The following CD8B variants were observed in gnomAD, a reference collection of about 807,000 sequenced individuals.
CD8B encodes the protein CD8 subunit beta, also known as T-cell surface glycoprotein CD8 beta chain.
In CD8B, 6 loss-of-function variants were observed where a neutral mutation model predicts 24.2. That is an observed-to-expected ratio of 0.25 (90% CI 0.14 to 0.49). CD8B has a LOEUF of 0.49. Ranked by LOEUF, CD8B falls within the 20% of genes least tolerant of loss-of-function variation. The pLI is 0.98. For synonymous variants in CD8B, 84 were observed against 108.3 expected (o/e 0.78, Z 1.39); for missense variants, 196 against 271.3 (o/e 0.72, Z 1.95).
chr2:86,821,676 G>A (rs1213167737), intron 5 of CD8B: 3 of 412,044 alleles, frequency 7.3e-6, no homozygotes, highest in African/African-American at 4.1e-5. Flanking sequence ...AACCCAGTGT[G>A]GACCCCCAAA....
intron 3 of CD8B, among the ~76,000 whole-genome samples, chr2:86,847,070 G>T (rs1675726566): frequency 6.6e-6 from 1 of 151,402 alleles, no homozygotes; most frequent in Non-Finnish European, 1.5e-5. Context: ...CCGAGTAGCT[G>T]GGACTACAGG....
chr2:86,833,027 C>T, intron 5 of CD8B: 1 of 402,540 alleles, frequency 2.5e-6, no homozygotes, highest in South Asian at 1.8e-5. Flanking sequence ...CTTTCCCCTC[C>T]ACCCTTCCTC....
Position 86,839,926 on chromosome 2 carries a change from A to T in CD8B, c.*2381T>A, listed in dbSNP as rs1390842957. Among the ~76,000 whole-genome samples the T allele has an allele frequency of 2.0e-5, 3 of 152,194 alleles. No individual in the cohort carries two copies. The highest frequency in any genetic ancestry group is 4.4e-5 in the Non-Finnish European group (3 of 68,034). On this transcript the variant is annotated 3_prime_UTR_variant, in exon 6 of 6. Coordinates refer to ENST00000390655, the MANE Select transcript of CD8B (RefSeq NM_004931.5). Reference sequence around the variant, plus strand: ...CACGAACCCTAGAGGAGTCTGGTCCAGCTGACCCCAATTCTTTCACCCCTC... The same window carrying T: ...CACGAACCCTAGAGGAGTCTGGTCCTGCTGACCCCAATTCTTTCACCCCTC...
Position 86,857,868 on chromosome 2 carries a change from GCTAA to G in CD8B, c.403+185_403+188del, listed in dbSNP as rs539491093. On this transcript the variant is annotated intron_variant, in intron 2 of 5. Transcript: ENST00000390655. ...CAGGGTGGTTGGCAGCATTAAGCAAGCTAACTATGTAAACACTTGGAGGGGCTTG... is the reference window on the plus strand; with the variant it reads ...CAGGGTGGTTGGCAGCATTAAGCAAGCTATGTAAACACTTGGAGGGGCTTG... Among the ~76,000 whole-genome samples the G allele has an allele frequency of 3.5e-3, 529 of 152,318 alleles. 3 individuals are homozygous for G. The highest frequency in any genetic ancestry group is 0.012 in the African/African-American group (501 of 41,568).
At chr2:86,835,064 T>TC (rs1465446330), downstream of CD8B, among the ~76,000 whole-genome samples, 1 of 151,544 alleles carries the variant, frequency 6.6e-6, no homozygotes, top group Non-Finnish European at 1.5e-5. Context: ...ACAGTATTAC[T>TC]CCCTCTCCCA....
chr2:86,854,870 C>T (rs1429233981), intron 2 of CD8B, among the ~76,000 whole-genome samples: 1 of 151,996 alleles, frequency 6.6e-6, no homozygotes, highest in Non-Finnish European at 1.5e-5. Flanking sequence ...CCTGTAATCC[C>T]AGCACTTTGG....
Position 86,831,445 on chromosome 2 carries a change from T to C in CD8B, c.620+13477A>G, listed in dbSNP as rs146810163. Reference sequence around the variant, plus strand: ...CACATGTTCAAATGGAGTCTATTCATGCATCACTTCAGTGATTGAAATCAG... The same window carrying C: ...CACATGTTCAAATGGAGTCTATTCACGCATCACTTCAGTGATTGAAATCAG... On this transcript the variant is annotated intron_variant, in intron 5 of 5. Coordinates refer to the CD8B transcript ENST00000331469. Among the ~76,000 whole-genome samples the C allele has an allele frequency of 1.5e-3, 228 of 152,382 alleles. 6 individuals are homozygous for C. The East Asian group carries it at 0.038, about 25-fold the overall frequency.
chr2:86,815,569 G>A (rs1674200384), exon 6 of CD8B: 3 of 1,205,842 alleles, frequency 2.5e-6, no homozygotes, highest in African/African-American at 3.0e-5. Flanking sequence ...TCTGGTAAAA[G>A]TAGTAAAGAT....
chr2:86,861,856 G>T lies in CD8B; in HGVS notation c.10C>A (p.Arg4=), dbSNP rs750345715. 4.8e-5 allele frequency: 61 copies of T among 1,283,232 alleles called. 1 individual carries two copies. The South Asian group carries it at 1.1e-3, about 22-fold the overall frequency. 79.5% of individuals were successfully genotyped at this position (1,283,232 alleles called of 1,614,324 possible). A position where few individuals can be genotyped will look rare whatever the true frequency, so the allele number is the denominator to read the frequency against. MRP[R]LWLLLAAQLT... is the part of the protein sequence containing the mutation. Reference sequence around the variant, plus strand: ...TGCGCGGCCAAGAGGAGCCACAGCCGCGGCCGCATCGTGGCGCGCCCGGGA... The same window carrying T: ...TGCGCGGCCAAGAGGAGCCACAGCCTCGGCCGCATCGTGGCGCGCCCGGGA... The change falls in exon 1 of 6, where the codon CGG becomes AGG. Residue 4 remains arginine (R), a synonymous_variant. Coordinates refer to ENST00000390655, the MANE Select transcript of CD8B (RefSeq NM_004931.5).
intron 2 of CD8B, among the ~76,000 whole-genome samples, chr2:86,854,849 G>T (rs1329932380): frequency 6.6e-6 from 1 of 151,934 alleles, no homozygotes; most frequent in Non-Finnish European, 1.5e-5. Context: ...GGCTGGGCGC[G>T]GTGACTCACG....
chr2:86,851,394 C>G (rs369131175), intron 3 of CD8B, among the ~76,000 whole-genome samples: 6 of 152,278 alleles, frequency 3.9e-5, no homozygotes, highest in Non-Finnish European at 2.9e-5. Context: ...GCGCCCTCAT[C>G]TTAGTGGCTC....
At chr2:86,815,556 G>T (rs765213884), downstream of CD8B, 24 of 1,098,630 alleles carry the variant, frequency 2.2e-5, no homozygotes, top group Non-Finnish European at 3.4e-5. Context: ...AGCGAGGGAG[G>T]AATCTGGTAA....
chr2:86,847,056 C>G (rs1160544310), intron 3 of CD8B, among the ~76,000 whole-genome samples: 1 of 149,780 alleles, frequency 6.7e-6, no homozygotes, highest in African/African-American at 2.5e-5. Flanking sequence ...TCGTTCTTAG[C>G]CTCCCGAGTA....
downstream of CD8B, among the ~76,000 whole-genome samples, chr2:86,834,467 T>TACACACACACAC (rs59177290): frequency 0.12 from 17,589 of 146,654 alleles, 448 homozygotes; most frequent in Non-Finnish European, 0.15. Context: ...TTTCTTCTCT[T>TACACACACACAC]ACACACACAC....
Position 86,840,284 on chromosome 2 carries a change from G to A in CD8B, c.*2023C>T, listed in dbSNP as rs550461622. On this transcript the variant is annotated 3_prime_UTR_variant, in exon 6 of 6. Coordinates refer to ENST00000390655, the MANE Select transcript of CD8B (RefSeq NM_004931.5). ...TTTGTGCTGACTTCTCAAAGCTGGA[G>A]CAAACGGAAAACACCTGGGTCTGGG... is the stretch of plus-strand genomic sequence containing the variant. 1.0e-4 allele frequency among the ~76,000 whole-genome samples: 15 copies of A among 148,768 alleles called. No individual in the cohort carries two copies. In the South Asian group the frequency reaches 3.3e-3, roughly 32 times the overall value.
intron 4 of CD8B, among the ~76,000 whole-genome samples, chr2:86,846,135 G>T (rs1302439605): frequency 6.6e-6 from 1 of 152,240 alleles, no homozygotes; most frequent in Admixed American, 6.5e-5. Context: ...AGCTTGGGGT[G>T]GGGGCCATAG....
At chr2:86,828,257 C>A (rs1674768804) in intron 5 of CD8B, among the ~76,000 whole-genome samples, 1 of 151,392 alleles carries the variant, frequency 6.6e-6, no homozygotes, top group African/African-American at 2.4e-5. Flanking sequence ...TCACTTTAAA[C>A]TTTTAGTGAG....
intron 2 of CD8B, among the ~76,000 whole-genome samples, chr2:86,856,532 T>C (rs143617827): frequency 2.0e-5 from 3 of 152,062 alleles, no homozygotes; most frequent in East Asian, 1.9e-4. Context: ...TCTTCCTAAT[T>C]GTGCTGCTGT....
downstream of CD8B, among the ~76,000 whole-genome samples, chr2:86,837,359 G>A (rs573829096): frequency 1.3e-5 from 2 of 152,294 alleles, no homozygotes; most frequent in South Asian, 4.1e-4. Flanking sequence ...AATCACACGT[G>A]TCGTGCATAT....
Sources: allele counts gnomAD v4.1 joint callset (sites outside exome capture counted in the v4.1 genomes callset), GRCh38; gene constraint gnomAD v4.1.1; transcripts MANE v1.5; gene names NCBI Gene and HGNC (gene_info 2026-07-23, HGNC 2026-07-21).